FRMD4A: variants seen among roughly 807,000 people sequenced by gnomAD.
FRMD4A encodes FERM domain-containing protein 4A.
In FRMD4A, 29 loss-of-function variants were observed where a neutral mutation model predicts 129.1. That is an observed-to-expected ratio of 0.22 (90% CI 0.17 to 0.31). The LOEUF is 0.31. FRMD4A is among the 10% of genes least tolerant of loss of function. FRMD4A has a pLI of 1.00. For synonymous variants in FRMD4A, 634 were observed against 571.6 expected, an observed-to-expected ratio of 1.11 and a Z score of -1.56; for missense variants, 1,272 against 1,375.8, an observed-to-expected ratio of 0.92 and a Z score of 1.19.
chr10:13,689,491 G>A (rs996528656), intron 15 of FRMD4A, among the ~76,000 whole-genome samples: 3 of 151,028 alleles, frequency 2.0e-5, no homozygotes, highest in Admixed American at 6.6e-5. Context: ...CAGATCCTAT[G>A]GGAGGTATCA....
chr10:13,929,401 C>T (rs1257911374), intron 2 of FRMD4A, among the ~76,000 whole-genome samples: 2 of 152,190 alleles, frequency 1.3e-5, no homozygotes, highest in African/African-American at 4.8e-5. Context: ...CAGAGCTGCC[C>T]GCCTACTACG....
Position 14,221,986 on chromosome 10 carries a change from T to C in FRMD4A, c.45+108072A>G, listed in dbSNP as rs183858590. Reference sequence around the variant, plus strand: ...GCTGCTTCTCAGGAAGGTAGGTAATTACTTCTTGTAGGTTTTGCGGTCTCT... The same window carrying C: ...GCTGCTTCTCAGGAAGGTAGGTAATCACTTCTTGTAGGTTTTGCGGTCTCT... On this transcript the variant is annotated intron_variant, in intron 2 of 24. Transcript: ENST00000357447. Among the ~76,000 whole-genome samples the C allele has an allele frequency of 3.0e-4, 46 of 152,350 alleles. No individual in the cohort carries two copies. The East Asian group carries it at 3.3e-3, about 11-fold the overall frequency.
chr10:13,974,096 C>T (rs1167488704), intron 2 of FRMD4A, among the ~76,000 whole-genome samples: 6 of 143,824 alleles, frequency 4.2e-5, no homozygotes, highest in African/African-American at 1.0e-4. Context: ...GGTGCGATTT[C>T]GGCTCACTGA....
chr10:14,250,351 A>T (rs1368622562), intron 2 of FRMD4A, among the ~76,000 whole-genome samples: 1 of 152,240 alleles, frequency 6.6e-6, no homozygotes, highest in African/African-American at 2.4e-5. Context: ...GCAAAGAAAG[A>T]GGAAGCATAG....
intron 15 of FRMD4A, among the ~76,000 whole-genome samples, chr10:13,683,366 C>T (rs1378954448): frequency 6.6e-6 from 1 of 151,594 alleles, no homozygotes; most frequent in African/African-American, 2.4e-5. Context: ...GGGAGGATTG[C>T]TTAATGCCAG....
At chr10:14,220,787 T>C (rs1175900525) in intron 2 of FRMD4A, among the ~76,000 whole-genome samples, 1 of 104,846 alleles carries the variant, frequency 9.5e-6, no homozygotes, top group Admixed American at 9.9e-5. Context: ...GAGTTGCGTG[T>C]GTGTGTGTGT....
chr10:13,989,252 C>A (rs902604736), intron 2 of FRMD4A, among the ~76,000 whole-genome samples: 1 of 152,052 alleles, frequency 6.6e-6, no homozygotes, highest in Non-Finnish European at 1.5e-5. Context: ...TATGTTGCAC[C>A]CTAACACCTA....
chr10:13,740,718 G>A (rs1049938246), intron 9 of FRMD4A, 141 bp from the exon 10 acceptor site: 1 of 579,300 alleles, frequency 1.7e-6, no homozygotes, highest in Non-Finnish European at 3.0e-6. Context: ...TTGTCCTGGA[G>A]TGGTATTTCC....
intron 2 of FRMD4A, among the ~76,000 whole-genome samples, chr10:14,011,835 C>G (rs76937689): frequency 6.6e-6 from 1 of 151,956 alleles, no homozygotes; most frequent in Non-Finnish European, 1.5e-5. Context: ...ATAGTGAAAC[C>G]CCGTCTCTAC....
At chr10:14,218,710 G>C (rs1843150757) in intron 2 of FRMD4A, among the ~76,000 whole-genome samples, 1 of 151,956 alleles carries the variant, frequency 6.6e-6, no homozygotes, top group Admixed American at 6.6e-5. Flanking sequence ...GATTTGGGTG[G>C]GGACACAGAG....
rs142191565 is a variant in FRMD4A at position 14,185,846 on chromosome 10, G to A, written c.45+144212C>T. Among the ~76,000 whole-genome samples the A allele has an allele frequency of 4.9e-3, 745 of 152,214 alleles. 3 individuals are homozygous for A. Among genetic ancestry groups the A allele is most frequent in the African/African-American group, 0.017 (702 of 41,584 alleles). The stretch of plus-strand genomic sequence containing the variant: ...GCAGGGCCCAGTGGAGACAGCCATG[G>A]CCAGGTTTCCCATAGAGTTAGAGTG... On this transcript the variant is annotated intron_variant, in intron 2 of 24. Coordinates refer to ENST00000357447, the MANE Select transcript of FRMD4A (RefSeq NM_018027.5).
intron 24 of FRMD4A, among the ~76,000 whole-genome samples, chr10:13,650,492 C>G (rs2134426469): frequency 6.6e-6 from 1 of 152,328 alleles, no homozygotes; most frequent in African/African-American, 2.4e-5. Context: ...TCTTTCAAAC[C>G]TGGTTAATTC....
chr10:13,858,830 G>C lies in FRMD4A; in HGVS notation c.111+17C>G. The C allele has an allele frequency of 6.6e-7, 1 of 1,507,264 alleles. No individual in the cohort carries two copies. Among genetic ancestry groups the C allele is most frequent in the Non-Finnish European group, 9.2e-7 (1 of 1,082,664 alleles). 93.4% of individuals were successfully genotyped at this position (1,507,264 alleles called of 1,614,324 possible). The stretch of plus-strand genomic sequence containing the variant: ...AGTCACCAAAGAAACTCAGAAAGTT[G>C]ACCAAAAGCGATTTACCTGTACTAG... On this transcript the variant is annotated intron_variant, in intron 3 of 24. Coordinates refer to ENST00000357447, the MANE Select transcript of FRMD4A (RefSeq NM_018027.5).
chr10:13,728,570 A>ATTTTTTTTTTTTTTTTTT (rs1386167455), intron 12 of FRMD4A, among the ~76,000 whole-genome samples: 6 of 28,660 alleles, frequency 2.1e-4, no homozygotes, highest in South Asian at 2.0e-3. Flanking sequence ...GGTGATTACC[A>ATTTTTTTTTTTTTTTTTT]TTCTTTTTTT....
At chr10:13,840,649 G>A (rs1450377679) in intron 3 of FRMD4A, among the ~76,000 whole-genome samples, 3 of 151,756 alleles carry the variant, frequency 2.0e-5, no homozygotes, top group Admixed American at 1.3e-4. Context: ...ATTAGCTGGT[G>A]TGGTGGCACA....
chr10:14,011,092 CAA>C (rs1345979274), intron 2 of FRMD4A, among the ~76,000 whole-genome samples: 1 of 152,170 alleles, frequency 6.6e-6, no homozygotes, highest in African/African-American at 2.4e-5. Flanking sequence ...GGATGAAAAC[CAA>C]AGTCAACTGG....
chr10:13,750,109 G>GAAAGAAAAGAAGAAAGA (rs59377985), intron 8 of FRMD4A, among the ~76,000 whole-genome samples: 1 of 73,578 alleles, frequency 1.4e-5, no homozygotes, highest in Non-Finnish European at 2.6e-5. Context: ...AGAAAGAAAT[G>GAAAGAAAAGAAGAAAGA]AAGAAAGAAA....
At chr10:13,754,301 T>G (rs957430644) in intron 8 of FRMD4A, among the ~76,000 whole-genome samples, 2 of 149,878 alleles carry the variant, frequency 1.3e-5, no homozygotes, top group Admixed American at 6.7e-5. Context: ...AAAAAAAAAC[T>G]ACCCTATCCC....
chr10:14,131,259 C>G (rs533382530), intron 2 of FRMD4A, among the ~76,000 whole-genome samples: 1 of 152,194 alleles, frequency 6.6e-6, no homozygotes, highest in African/African-American at 2.4e-5. Context: ...ATGGGCAAAA[C>G]CACCAGCAAG....
Sources: allele counts gnomAD v4.1 joint callset (sites outside exome capture counted in the v4.1 genomes callset), GRCh38; gene constraint gnomAD v4.1.1; transcripts MANE v1.5; gene names NCBI Gene and HGNC (gene_info 2026-07-23, HGNC 2026-07-21).